MND1: variants seen among roughly 807,000 people sequenced by gnomAD.
MND1 encodes the protein meiotic nuclear divisions 1.
Under a neutral mutation model 35.1 loss-of-function variants are expected in MND1, and 28 were observed. The ratio of observed to expected loss-of-function variants is 0.80; its 90% confidence interval spans 0.59 to 1.09. The LOEUF is 1.09. Ranked by LOEUF, MND1 falls within the 50% of genes least tolerant of loss-of-function variation. The pLI is 0.00. For missense variants in MND1, 213 were observed against 239.6 expected, an observed-to-expected ratio of 0.89 and a Z score of 0.73; for synonymous variants, 69 against 70.5, an observed-to-expected ratio of 0.98 and a Z score of 0.11.
At chr4:153,382,467 A>G (rs544606467) in intron 4 of MND1, among the ~76,000 whole-genome samples, 5 of 152,216 alleles carry the variant, frequency 3.3e-5, no homozygotes, top group Admixed American at 3.3e-4. Flanking sequence ...TGCCCTTTTA[A>G]TTTTTTGAAA....
chr4:153,350,557 T>C (rs1183314316), intron 2 of MND1, among the ~76,000 whole-genome samples: 1 of 152,242 alleles, frequency 6.6e-6, no homozygotes, highest in African/African-American at 2.4e-5. Context: ...CTTTGCATTT[T>C]AAGTCTGTCT....
intron 7 of MND1, among the ~76,000 whole-genome samples, chr4:153,411,814 C>G (rs1225425514): frequency 3.3e-5 from 5 of 152,128 alleles, no homozygotes; most frequent in Admixed American, 3.3e-4. Context: ...AAGACTTGGC[C>G]TTTTCTCTCT....
chr4:153,390,147 G>T (rs1728980582), intron 4 of MND1, among the ~76,000 whole-genome samples: 1 of 152,032 alleles, frequency 6.6e-6, no homozygotes, highest in African/African-American at 2.4e-5. Context: ...TATTTCCAAG[G>T]TGTAGGTTAG....
intron 4 of MND1, among the ~76,000 whole-genome samples, 153 bp downstream of exon 4, chr4:153,358,775 A>G (rs1487894788): frequency 5.3e-5 from 8 of 152,266 alleles, no homozygotes; most frequent in Admixed American, 5.2e-4. Flanking sequence ...CTCCTAAACA[A>G]TATGAGGAAC....
At chr4:153,346,702 C>A (rs142458267) in intron 1 of MND1, among the ~76,000 whole-genome samples, 4 of 152,324 alleles carry the variant, frequency 2.6e-5, no homozygotes, top group African/African-American at 9.6e-5. Flanking sequence ...GAGTAACTTT[C>A]ATAGCTGCTG....
chr4:153,415,114 AT>A (rs113897268), exon 8 of MND1: 13,498 of 226,250 alleles, frequency 0.06, 699 homozygotes, highest in African/African-American at 0.16. Flanking sequence ...TTTACAAATG[AT>A]TTTTTTTTTA....
At chr4:153,383,554 G>A (rs1561069521) in intron 4 of MND1, among the ~76,000 whole-genome samples, 1 of 152,100 alleles carries the variant, frequency 6.6e-6, no homozygotes, top group East Asian at 1.9e-4. Context: ...TTTTCTCCAG[G>A]CCTTGGTTGG....
At chr4:153,355,595 AATATACAT>A in intron 2 of MND1, 51 bp from the exon 3 acceptor site, 3 of 1,125,220 alleles carry the variant, frequency 2.7e-6, no homozygotes, top group Non-Finnish European at 4.0e-6. Context: ...TAAAAATGAA[AATATACAT>A]AGTAGAAAAT....
At chr4:153,372,718 T>G (rs1481122942) in intron 4 of MND1, among the ~76,000 whole-genome samples, 1 of 152,246 alleles carries the variant, frequency 6.6e-6, no homozygotes, top group Admixed American at 6.5e-5. Flanking sequence ...CATGCCGTAG[T>G]GTGTACTTTC....
chr4:153,394,259 T>C lies in MND1; in HGVS notation c.277-3T>C. Reference sequence around the variant, plus strand: ...GCTGTTTTATTTGTTTTTGATTCTCTAGTTGTCTGAGGGAAGTCAAAAGCA... The same window carrying C: ...GCTGTTTTATTTGTTTTTGATTCTCCAGTTGTCTGAGGGAAGTCAAAAGCA... On this transcript the variant is annotated splice_region_variant and splice_polypyrimidine_tract_variant and intron_variant, in intron 4 of 7. Coordinates refer to ENST00000240488, the MANE Select transcript of MND1 (RefSeq NM_032117.4). The C allele has an allele frequency of 6.2e-7, 1 of 1,611,510 alleles. No individual in the cohort carries two copies. Among genetic ancestry groups the C allele is most frequent in the South Asian group, 1.1e-5 (1 of 90,916 alleles).
chr4:153,359,515 G>T (rs1480687565), intron 4 of MND1, among the ~76,000 whole-genome samples: 1 of 152,164 alleles, frequency 6.6e-6, no homozygotes, highest in East Asian at 1.9e-4. Context: ...TAGGTTTTGT[G>T]TACACATAAA....
At chr4:153,390,709 G>A (rs1376303379) in intron 4 of MND1, among the ~76,000 whole-genome samples, 6 of 152,000 alleles carry the variant, frequency 3.9e-5, no homozygotes, top group Admixed American at 6.6e-5. Flanking sequence ...TTAGCCGGGC[G>A]TGGTAGCATG....
In MND1 at chr4:153,394,341, GTT is replaced by G. The variant is rs755926630; in HGVS notation, c.351+7_351+8del. ...AAAATTGGCCGATGTGAAACGGTAA[GTT>G]TGTGTCTATAGATTATTTTAATAAT... On this transcript the variant is annotated splice_donor_region_variant and intron_variant, in intron 5 of 7. Transcript: ENST00000240488. The G allele has an allele frequency of 4.5e-5, 73 of 1,608,234 alleles. 1 individual carries two copies. The highest frequency in any genetic ancestry group is 3.3e-4 in the Middle Eastern group (2 of 6,052).
intron 7 of MND1, among the ~76,000 whole-genome samples, chr4:153,411,348 C>T (rs920749323): frequency 1.2e-4 from 19 of 152,096 alleles, no homozygotes; most frequent in African/African-American, 3.1e-4. Flanking sequence ...AAATTCTGCC[C>T]GTCTTAAGGT....
chr4:153,376,595 A>G (rs967538421), intron 4 of MND1, among the ~76,000 whole-genome samples: 5 of 152,214 alleles, frequency 3.3e-5, no homozygotes, highest in Admixed American at 1.3e-4. Flanking sequence ...TTAACCTGCT[A>G]TTCCCCTGGA....
At chr4:153,356,875 C>T (rs1285778936) in intron 3 of MND1, among the ~76,000 whole-genome samples, 1 of 151,902 alleles carries the variant, frequency 6.6e-6, no homozygotes, top group Non-Finnish European at 1.5e-5. Flanking sequence ...CAGGCTGGAG[C>T]CCAGTGGTGC....
chr4:153,404,134 G>GA (rs922123990), intron 6 of MND1, among the ~76,000 whole-genome samples: 21 of 144,782 alleles, frequency 1.5e-4, no homozygotes, highest in Middle Eastern at 3.6e-3. Context: ...TATATTCAAA[G>GA]AGAAATGAAA....
intron 4 of MND1, among the ~76,000 whole-genome samples, chr4:153,362,048 T>C (rs1018647441): frequency 1.3e-5 from 2 of 152,216 alleles, no homozygotes; most frequent in Admixed American, 1.3e-4. Context: ...GTTCTTTCCA[T>C]AACTATTTCT....
intron 4 of MND1, among the ~76,000 whole-genome samples, chr4:153,361,193 A>T (rs1773482088): frequency 6.6e-6 from 1 of 152,244 alleles, no homozygotes; most frequent in South Asian, 2.1e-4. Flanking sequence ...ACTGAAGGAC[A>T]TCCTTTAGTA....
Sources: gnomAD v4.1 joint callset for allele counts (sites outside exome capture counted in the v4.1 genomes callset) on GRCh38, gnomAD v4.1.1 for gene constraint, MANE v1.5 for transcripts, NCBI Gene and HGNC (gene_info 2026-07-23, HGNC 2026-07-21) for gene names.